Variants in PTPRD observed in about 807,000 individuals in gnomAD.
The protein encoded by PTPRD is receptor-type tyrosine-protein phosphatase delta.
In PTPRD, 34 loss-of-function variants were observed where a neutral mutation model predicts 214.5. The observed-to-expected ratio is 0.16, with a 90% CI of 0.12 to 0.21. The LOEUF is 0.21. Among genes scored for constraint, PTPRD ranks in the 10% least tolerant of loss-of-function variants. The pLI is 1.00. For missense variants in PTPRD, 2,545 were observed against 2,398.7 expected, an observed-to-expected ratio of 1.06 and a Z score of -1.27; for synonymous variants, 1,128 against 845.7, an observed-to-expected ratio of 1.33 and a Z score of -5.79.
chr9:10,260,284 C>T (rs1394676652), intron 3 of PTPRD, among the ~76,000 whole-genome samples: 1 of 152,106 alleles, frequency 6.6e-6, no homozygotes, highest in Non-Finnish European at 1.5e-5. Flanking sequence ...GTTTCAGAAC[C>T]TTACCCGGCC....
chr9:10,211,447 T>C (rs2099516461), intron 3 of PTPRD, among the ~76,000 whole-genome samples: 1 of 152,132 alleles, frequency 6.6e-6, no homozygotes, highest in African/African-American at 2.4e-5. Context: ...CTGTAGTTCT[T>C]GAGTAGAGGA....
chr9:8,949,869 T>C (rs896442449), intron 11 of PTPRD, among the ~76,000 whole-genome samples: 1 of 152,150 alleles, frequency 6.6e-6, no homozygotes, highest in African/African-American at 2.4e-5. Flanking sequence ...GAAATGAAAA[T>C]GCTGATCCAG....
At chr9:8,322,861 T>C (rs1829814131) in intron 44 of PTPRD, among the ~76,000 whole-genome samples, 1 of 152,168 alleles carries the variant, frequency 6.6e-6, no homozygotes, top group Non-Finnish European at 1.5e-5. Context: ...GCTGACTCTC[T>C]TGTTAGGGGC....
intron 11 of PTPRD, among the ~76,000 whole-genome samples, chr9:8,782,731 G>A (rs972167614): frequency 1.3e-5 from 2 of 151,762 alleles, no homozygotes; most frequent in Non-Finnish European, 2.9e-5. Context: ...CGGAGTAGCT[G>A]GGATTACAGG....
At chr9:9,925,824 C>G (rs1029033702) in intron 5 of PTPRD, among the ~76,000 whole-genome samples, 1 of 151,798 alleles carries the variant, frequency 6.6e-6, no homozygotes, top group Non-Finnish European at 1.5e-5. Flanking sequence ...ATACTAATCT[C>G]CCTTTGTTTG....
At chr9:9,951,739 C>G (rs2093472223) in intron 4 of PTPRD, among the ~76,000 whole-genome samples, 1 of 152,216 alleles carries the variant, frequency 6.6e-6, no homozygotes, top group Non-Finnish European at 1.5e-5. Flanking sequence ...AAGTATAATT[C>G]TGCATCAGGA....
intron 9 of PTPRD, among the ~76,000 whole-genome samples, chr9:9,372,846 G>C (rs922115491): frequency 1.1e-4 from 17 of 152,022 alleles, no homozygotes; most frequent in Non-Finnish European, 2.9e-5. Flanking sequence ...TGTTTGTAAA[G>C]TATTTTATTT....
At chr9:8,894,036 A>G (rs139392043) in intron 11 of PTPRD, among the ~76,000 whole-genome samples, 3 of 152,252 alleles carry the variant, frequency 2.0e-5, no homozygotes, top group African/African-American at 4.8e-5. Flanking sequence ...TACGCACACA[A>G]TGGAATATCA....
chr9:8,764,835 A>C (rs543168466), intron 11 of PTPRD, among the ~76,000 whole-genome samples: 166 of 150,702 alleles, frequency 1.1e-3, no homozygotes, highest in African/African-American at 3.8e-3. Context: ...TAATAATAAT[A>C]GCAGCTTATT....
intron 12 of PTPRD, among the ~76,000 whole-genome samples, chr9:8,664,520 T>C (rs777852390): frequency 2.6e-5 from 4 of 152,180 alleles, no homozygotes; most frequent in East Asian, 1.9e-4. Flanking sequence ...AGCCTTTATA[T>C]AGTACTCCCT....
At chr9:8,514,176 T>C (rs368987031) in intron 21 of PTPRD, among the ~76,000 whole-genome samples, 4 of 152,234 alleles carry the variant, frequency 2.6e-5, no homozygotes, top group African/African-American at 4.8e-5. Context: ...TATAAAAAAA[T>C]AAAGATATGG....
intron 4 of PTPRD, among the ~76,000 whole-genome samples, chr9:9,981,478 C>T (rs1219738333): frequency 1.3e-5 from 2 of 151,676 alleles, no homozygotes; most frequent in Admixed American, 6.6e-5. Flanking sequence ...CCTGAGCCTC[C>T]CGAGTAGCTG....
intron 7 of PTPRD, among the ~76,000 whole-genome samples, chr9:9,730,576 T>A (rs1336094270): frequency 6.6e-6 from 1 of 152,158 alleles, no homozygotes; most frequent in African/African-American, 2.4e-5. Flanking sequence ...TTTAACTATC[T>A]ATGTATAAAC....
At chr9:8,573,494 C>G (rs1160906229) in intron 14 of PTPRD, among the ~76,000 whole-genome samples, 2 of 151,886 alleles carry the variant, frequency 1.3e-5, no homozygotes, top group Non-Finnish European at 2.9e-5. Context: ...CAAGTCAGTT[C>G]ACTCTGGGTC....
chr9:9,657,303 G>T (rs978695770), intron 7 of PTPRD, among the ~76,000 whole-genome samples: 2 of 152,024 alleles, frequency 1.3e-5, no homozygotes, highest in African/African-American at 4.8e-5. Flanking sequence ...TCCTTTGCAG[G>T]GACATGGATG....
At chr9:9,924,071 A>C (rs555483887) in intron 5 of PTPRD, among the ~76,000 whole-genome samples, 85 of 152,202 alleles carry the variant, frequency 5.6e-4, no homozygotes, top group Middle Eastern at 6.8e-3. Flanking sequence ...ATTGTGCTAA[A>C]AATGTAAACC....
chr9:9,021,108 G>A (rs1283949402), intron 10 of PTPRD, among the ~76,000 whole-genome samples: 1 of 152,028 alleles, frequency 6.6e-6, no homozygotes, highest in African/African-American at 2.4e-5. Flanking sequence ...TATTTAAGAG[G>A]TATTTTAAAT....
intron 10 of PTPRD, among the ~76,000 whole-genome samples, chr9:9,078,438 T>A (rs1228926833): frequency 2.0e-5 from 3 of 152,118 alleles, no homozygotes; most frequent in Non-Finnish European, 4.4e-5. Context: ...ATGTTTGTTA[T>A]GAGGCATGCT....
chr9:10,227,184 A>G (rs765639775), intron 3 of PTPRD, among the ~76,000 whole-genome samples: 2 of 152,064 alleles, frequency 1.3e-5, no homozygotes, highest in Non-Finnish European at 2.9e-5. Context: ...TGATTTGTTC[A>G]GACTTGTTTA....
Sources: allele counts gnomAD v4.1 joint callset (sites outside exome capture counted in the v4.1 genomes callset), GRCh38; gene constraint gnomAD v4.1.1; transcripts MANE v1.5; gene names NCBI Gene and HGNC (gene_info 2026-07-23, HGNC 2026-07-21).